AHRR: variants seen among roughly 807,000 people sequenced by gnomAD.
The protein encoded by AHRR is ahR repressor.
AHRR carries 28 observed loss-of-function variants against 44.0 expected under a neutral mutation model. That is an observed-to-expected ratio of 0.64 (90% CI 0.47 to 0.87). The LOEUF is 0.87. Ranked by LOEUF, AHRR falls within the 40% of genes least tolerant of loss-of-function variation. AHRR has a pLI of 0.00. For synonymous variants in AHRR, 434 were observed against 407.0 expected (o/e 1.07, Z -0.80); for missense variants, 990 against 953.9 (o/e 1.04, Z -0.50).
At chr5:369,369 G>T (rs777709607) in intron 3 of AHRR, among the ~76,000 whole-genome samples, 5 of 152,188 alleles carry the variant, frequency 3.3e-5, no homozygotes, top group African/African-American at 4.8e-5. Flanking sequence ...GCACAGTCCT[G>T]GTCCCCTCCT....
At chr5:379,123 C>G (rs1427014449) in intron 4 of AHRR, among the ~76,000 whole-genome samples, 1 of 152,182 alleles carries the variant, frequency 6.6e-6, no homozygotes, top group African/African-American at 2.4e-5. Flanking sequence ...TGGATGTCTT[C>G]CACACGGAGT....
rs928271547 is a variant in AHRR, at chr5:405,961, T to C, written c.352-7383T>C. Among the ~76,000 whole-genome samples, 6 of 152,186 alleles carry C rather than the reference T, an allele frequency of 3.9e-5. No individual in the cohort carries two copies. The highest frequency in any genetic ancestry group is 2.0e-4 in the Admixed American group (3 of 15,282). On this transcript the variant is annotated intron_variant, in intron 4 of 10. Coordinates refer to ENST00000684583, the MANE Select transcript of AHRR (RefSeq NM_001377236.1). This position sits in a 1 kb window ranked among gnomAD's most constrained non-coding sequence, Gnocchi z 4.5. ...AGGGAAGAACACGCAGCCTCTGGTT[T>C]GAACTGGACCCTGGGTAGCAGTTCA...
At chr5:409,895 G>A (rs1030544043) in intron 4 of AHRR, among the ~76,000 whole-genome samples, 3 of 152,132 alleles carry the variant, frequency 2.0e-5, no homozygotes, top group Non-Finnish European at 2.9e-5. Flanking sequence ...GAAGCTTTGT[G>A]GCTCTGGGCT....
At chr5:376,063 T>TTTTC (rs1733611240) in intron 3 of AHRR, among the ~76,000 whole-genome samples, 47 of 137,034 alleles carry the variant, frequency 3.4e-4, no homozygotes, top group Non-Finnish European at 5.5e-4. Context: ...TGCTTCTCAC[T>TTTTC]AGGGAGGGGG....
intron 5 of AHRR, chr5:422,405 C>T (rs1052881288): frequency 7.8e-6 from 3 of 382,806 alleles, no homozygotes; most frequent in Admixed American, 4.0e-5. Flanking sequence ...GAGTCCAAGT[C>T]GACAGGAAAG....
At chr5:378,734 C>A (rs1014564148) in intron 4 of AHRR, among the ~76,000 whole-genome samples, 1 of 152,174 alleles carries the variant, frequency 6.6e-6, no homozygotes, top group African/African-American at 2.4e-5. Flanking sequence ...GCTCCCTGCA[C>A]AATACGAGTC....
At chr5:340,688 A>ATATATATATATATATTTT (rs1269938749) in intron 1 of AHRR, among the ~76,000 whole-genome samples, 2 of 12,926 alleles carry the variant, frequency 1.5e-4, no homozygotes, top group Admixed American at 1.3e-3. Flanking sequence ...ATATATATAT[A>ATATATATATATATATTTT]TTTTTTTTTT....
chr5:405,442 T>C lies in AHRR; in HGVS notation c.352-7902T>C, dbSNP rs1235887471. ...TATTTTGTCACCGTGGAGCAGCCTA[T>C]GGTGTTGCCCGCTGTTTTGTTGTGA... On this transcript the variant is annotated intron_variant, in intron 4 of 10. Coordinates refer to ENST00000684583, the MANE Select transcript of AHRR (RefSeq NM_001377236.1). This position sits in a 1 kb window ranked among gnomAD's most constrained non-coding sequence, Gnocchi z 4.5. Among the ~76,000 whole-genome samples the C allele has an allele frequency of 3.3e-5, 5 of 152,170 alleles. No homozygotes were observed. The highest frequency in any genetic ancestry group is 7.4e-5 in the Non-Finnish European group (5 of 68,020).
At chr5:366,058 TC>T (rs200793058) in intron 3 of AHRR, among the ~76,000 whole-genome samples, 13 of 149,630 alleles carry the variant, frequency 8.7e-5, no homozygotes, top group East Asian at 3.9e-4. Context: ...ACACTCACCT[TC>T]CCCCCCCACC....
At chr5:346,920 AG>A (rs981597599) in intron 2 of AHRR, among the ~76,000 whole-genome samples, 3 of 152,160 alleles carry the variant, frequency 2.0e-5, no homozygotes, top group African/African-American at 7.2e-5. Context: ...AACAGGAACG[AG>A]TTGTTAGCTT....
chr5:363,988 A>C (rs182043129), intron 3 of AHRR, among the ~76,000 whole-genome samples: 1 of 152,372 alleles, frequency 6.6e-6, no homozygotes, highest in African/African-American at 2.4e-5. Context: ...CAAGTAAAAA[A>C]AGAGCTGCTA....
intron 3 of AHRR, chr5:368,010 G>A (rs1170465278): frequency 8.7e-6 from 6 of 687,898 alleles, no homozygotes; most frequent in Non-Finnish European, 1.3e-5. Context: ...TGAAGGCAAT[G>A]GTGATTCACA....
In AHRR at chr5:404,091, C is replaced by T. The variant is rs918852406; in HGVS notation, c.352-9253C>T. On this transcript the variant is annotated intron_variant, in intron 4 of 10. Transcript: ENST00000684583. The surrounding 1 kb of genome is among the most constrained non-coding windows in gnomAD (Gnocchi z 4.1). The stretch of plus-strand genomic sequence containing the variant: ...CAGCGTTTGAAGAAAAAGTCAGTTC[C>T]GTTGTCAGGGTTGGTCCAGGTTTGG... The T allele has an allele frequency of 1.6e-5, 10 of 622,644 alleles. No homozygotes were observed. The highest frequency in any genetic ancestry group is 6.6e-5 in the Admixed American group (3 of 45,264). The allele number at this position is 622,644 out of a possible 1,614,324, so 38.6% of individuals were successfully genotyped here.
intron 4 of AHRR, among the ~76,000 whole-genome samples, chr5:398,106 T>C (rs867029976): frequency 9.0e-4 from 60 of 66,894 alleles, no homozygotes; most frequent in African/African-American, 1.6e-3. Flanking sequence ...TCCACGTAGC[T>C]CCTGACCATC....
chr5:354,421 G>A (rs937736569), intron 3 of AHRR, among the ~76,000 whole-genome samples: 11 of 152,212 alleles, frequency 7.2e-5, no homozygotes, highest in South Asian at 2.1e-4. Context: ...ACGCCAGGCC[G>A]TGCCCGGACA....
chr5:356,518 C>A (rs1743053913), intron 3 of AHRR, among the ~76,000 whole-genome samples: 3 of 140,340 alleles, frequency 2.1e-5, no homozygotes. Context: ...GGGCAGTCAG[C>A]GACTGAGGAA....
intron 4 of AHRR, among the ~76,000 whole-genome samples, chr5:390,164 A>G (rs1020714567): frequency 6.6e-6 from 1 of 152,178 alleles, no homozygotes; most frequent in Non-Finnish European, 1.5e-5. Flanking sequence ...AGTCAACGGT[A>G]ACTTAATCGT....
At chr5:386,709 G>A (rs1734180352) in intron 4 of AHRR, among the ~76,000 whole-genome samples, 1 of 152,260 alleles carries the variant, frequency 6.6e-6, no homozygotes, top group South Asian at 2.1e-4. Context: ...GTTGTTGGAA[G>A]CCATGAGTGT....
chr5:424,535 T>C (rs887912549), intron 7 of AHRR, among the ~76,000 whole-genome samples: 6 of 151,628 alleles, frequency 4.0e-5, no homozygotes, highest in Non-Finnish European at 8.8e-5. Context: ...CCTCTGGGCA[T>C]GCGTGATGAG....
Sources: allele counts gnomAD v4.1 joint callset (sites outside exome capture counted in the v4.1 genomes callset), GRCh38; gene constraint gnomAD v4.1.1; non-coding constraint Gnocchi (gnomAD v3.1); transcripts MANE v1.5; gene names NCBI Gene and HGNC (gene_info 2026-07-23, HGNC 2026-07-21).